Variants in KMO observed in about 807,000 individuals in gnomAD.
KMO encodes kynurenine 3-monooxygenase, also known as kynurenine 3-hydroxylase.
KMO carries 24 observed loss-of-function variants against 57.8 expected under a neutral mutation model. That is an observed-to-expected ratio of 0.42 (90% CI 0.30 to 0.58). KMO has a LOEUF of 0.58. KMO is among the 20% of genes least tolerant of loss of function. KMO has a pLI of 0.22. For missense variants in KMO, 483 were observed against 588.2 expected (o/e 0.82, Z 1.85); for synonymous variants, 210 against 193.6 (o/e 1.08, Z -0.70).
At chr1:241,551,498 G>A (rs971736137) in intron 4 of KMO, among the ~76,000 whole-genome samples, 21 of 152,288 alleles carry the variant, frequency 1.4e-4, no homozygotes, top group African/African-American at 4.8e-4. Flanking sequence ...AATGCTTTGA[G>A]TACTACATGA....
Position 241,566,602 on chromosome 1 carries a change from C to T in KMO, c.799C>T (p.Leu267=). ...GAAATACTTTCCGGATGCCATCCCT[C>T]TAATTGGAGAGTAAGTTGCAAGATG... ...FQKYFPDAIP[L]IGEKLLVQDF... The change falls in exon 9 of 15, where the codon CTA becomes TTA. Residue 267 remains leucine (L), a synonymous_variant. Coordinates refer to ENST00000366559, the MANE Select transcript of KMO (RefSeq NM_003679.5). 1 of 1,613,788 alleles carries T rather than the reference C, an allele frequency of 6.2e-7. No individual in the cohort carries two copies. The highest frequency in any genetic ancestry group is 8.5e-7 in the Non-Finnish European group (1 of 1,179,794).
chr1:241,562,285 A>G lies in KMO; in HGVS notation c.568A>G (p.Ile190Val), dbSNP rs760592864. 11 of 1,614,022 alleles carry G rather than the reference A, an allele frequency of 6.8e-6. No homozygotes were observed. In the East Asian group the frequency reaches 1.6e-4, roughly 23 times the overall value. Residue 190 changes from isoleucine (I) to valine (V), a missense_variant, in exon 7 of 15, where the codon ATT (isoleucine) becomes GTT (valine). By Grantham distance (29) the Ile-to-Val change is conservative. This residue lies in a region of KMO where 410 missense variants were observed against 492.3 expected (regional missense o/e 0.83). Coordinates refer to ENST00000366559, the MANE Select transcript of KMO (RefSeq NM_003679.5). ...TCGCTTTGATTACAGTCAGCAGTAC[A>G]TTCCTCATGGGTACATGGAGTTGAC... is the stretch of plus-strand genomic sequence containing the variant. Reference protein sequence around the residue: ...KPRFDYSQQYIPHGYMELTIP... With the variant: ...KPRFDYSQQYVPHGYMELTIP...
intron 1 of KMO, among the ~76,000 whole-genome samples, chr1:241,543,479 A>C (rs1661027380): frequency 6.6e-6 from 1 of 152,120 alleles, no homozygotes; most frequent in Admixed American, 6.6e-5. Flanking sequence ...CACTGTGTGA[A>C]TATGCCATAA....
chr1:241,537,803 C>T (rs143984906), intron 1 of KMO, among the ~76,000 whole-genome samples: 8 of 152,086 alleles, frequency 5.3e-5, no homozygotes, highest in Non-Finnish European at 1.2e-4. Flanking sequence ...TTCACTATCA[C>T]GAGAACAGCA....
At chr1:241,565,107 T>C (rs921362833) in intron 8 of KMO, 49 bp downstream of exon 8, 2 of 1,054,142 alleles carry the variant, frequency 1.9e-6, no homozygotes, top group Non-Finnish European at 3.0e-6. Flanking sequence ...GTAATTAATG[T>C]TGTTTATTAC....
chr1:241,533,534 G>A (rs940706465), intron 1 of KMO, among the ~76,000 whole-genome samples: 1 of 152,164 alleles, frequency 6.6e-6, no homozygotes, highest in Non-Finnish European at 1.5e-5. Flanking sequence ...CACATGATGT[G>A]TTGGTCACTG....
At chr1:241,572,026 C>G (rs967049466) in intron 10 of KMO, among the ~76,000 whole-genome samples, 2 of 151,828 alleles carry the variant, frequency 1.3e-5, no homozygotes, top group Non-Finnish European at 2.9e-5. Flanking sequence ...GCCACTATGC[C>G]CAGCTTATTT....
Position 241,549,832 on chromosome 1 carries a change from G to A in KMO, c.222+58G>A. On this transcript the variant is annotated intron_variant, in intron 3 of 14. Transcript: ENST00000366559. The stretch of plus-strand genomic sequence containing the variant: ...ACCTGGTATTTTTCAACAATTGCAT[G>A]GTTTGATTTCATCCTGGCTTAAAAA... 5 of 1,022,294 alleles carry A rather than the reference G, an allele frequency of 4.9e-6. No homozygotes were observed. The Admixed American group carries it at 5.6e-5, about 11-fold the overall frequency. 63.3% of individuals were successfully genotyped at this position (1,022,294 alleles called of 1,614,324 possible). A position where few individuals can be genotyped will look rare whatever the true frequency, so the allele number is the denominator to read the frequency against.
chr1:241,548,965 AG>A, intron 2 of KMO, 67 bp downstream of exon 2: 1 of 1,012,940 alleles, frequency 9.9e-7, no homozygotes, highest in Non-Finnish European at 1.6e-6. Context: ...TTGGGAGGCC[AG>A]GGCACATGGA....
intron 10 of KMO, among the ~76,000 whole-genome samples, chr1:241,575,823 TAGACAGATCATTG>T (rs1448268335): frequency 1.3e-5 from 2 of 152,000 alleles, no homozygotes; most frequent in Non-Finnish European, 2.9e-5. Context: ...TTGACAGCAC[TAGACAGATCATTG>T]AGACTTCTGT....
chr1:241,542,065 T>C (rs1660978161), intron 1 of KMO, among the ~76,000 whole-genome samples: 1 of 152,210 alleles, frequency 6.6e-6, no homozygotes, highest in Non-Finnish European at 1.5e-5. Flanking sequence ...TCCTGTTTCC[T>C]CTTCCTAATA....
intron 1 of KMO, among the ~76,000 whole-genome samples, chr1:241,545,227 TTGATAGCTTAGAAGGACAGACAGA>T (rs1266168250): frequency 6.6e-6 from 1 of 152,220 alleles, no homozygotes; most frequent in South Asian, 2.1e-4. Flanking sequence ...GCAAAACCTG[TTGATAGCTTAGAAGGACAGACAGA>T]TATTGATTAT....
At position 241,571,899 on chromosome 1, in the gene KMO, G is replaced by A. The variant is rs188926700; in HGVS notation, c.957+3252G>A. 7.7e-3 allele frequency among the ~76,000 whole-genome samples: 898 copies of A among 116,592 alleles called. 10 individuals carry two copies. Among genetic ancestry groups the A allele is most frequent in the African/African-American group, 0.027 (848 of 31,376 alleles). 76.5% of individuals were successfully genotyped at this position (116,592 alleles called of 152,430 possible). On this transcript the variant is annotated intron_variant, in intron 10 of 14. Coordinates refer to ENST00000366559, the MANE Select transcript of KMO (RefSeq NM_003679.5). ...TTTTTTTTTTTTGAGATGGAGTCTCGCTCTGTTGCCAGGCTGGAGTGCAGT... is the reference window on the plus strand; with the variant it reads ...TTTTTTTTTTTTGAGATGGAGTCTCACTCTGTTGCCAGGCTGGAGTGCAGT...
rs763024113 is a variant in KMO, at chr1:241,590,329, A to G, written c.1260+66A>G. On this transcript the variant is annotated intron_variant, in intron 14 of 14. Transcript: ENST00000366559. ...TTTGAAATGTCATAGTATTATGATT[A>G]TGTTTGTTTCCAACAAATACAGAAA... is the stretch of plus-strand genomic sequence containing the variant. The G allele has an allele frequency of 6.2e-6, 8 of 1,281,756 alleles. No homozygotes were observed. In the South Asian group the frequency reaches 8.6e-5, roughly 14 times the overall value. 79.4% of individuals were successfully genotyped at this position (1,281,756 alleles called of 1,614,324 possible). A position where few individuals can be genotyped will look rare whatever the true frequency, so the allele number is the denominator to read the frequency against.
At chr1:241,569,647 G>A (rs1662206058) in intron 10 of KMO, among the ~76,000 whole-genome samples, 1 of 152,020 alleles carries the variant, frequency 6.6e-6, no homozygotes, top group South Asian at 2.1e-4. Flanking sequence ...TCAATATACT[G>A]ATGTTCTTTC....
intron 1 of KMO, among the ~76,000 whole-genome samples, chr1:241,545,322 G>C (rs115949529): frequency 7.0e-4 from 107 of 152,210 alleles, no homozygotes; most frequent in African/African-American, 2.5e-3. Flanking sequence ...AGTTTGCTAG[G>C]CTTGCCAAAA....
chr1:241,592,776 A>G lies in KMO; in HGVS notation c.*623A>G, dbSNP rs1219686985. ...CTATCATCTATCTATCTATCTATCT[A>G]TCTATCTATCTATCTATCTATCTCT... On this transcript the variant is annotated 3_prime_UTR_variant, in exon 15 of 15. Transcript: ENST00000366559. The G allele has an allele frequency of 6.8e-6, 1 of 147,710 alleles. No homozygotes were observed. Among genetic ancestry groups the G allele is most frequent in the African/African-American group, 2.5e-5 (1 of 40,696 alleles). The allele number at this position is 147,710 out of a possible 1,614,324, so 9.1% of individuals were successfully genotyped here.
At chr1:241,590,756 T>C (rs1273246762) in intron 14 of KMO, among the ~76,000 whole-genome samples, 1 of 136,880 alleles carries the variant, frequency 7.3e-6, no homozygotes, top group Non-Finnish European at 1.6e-5. Flanking sequence ...CAGTTTTATT[T>C]GGTACATAGA....
At position 241,588,970 on chromosome 1, in the gene KMO, A is replaced by G; in HGVS notation, c.1098+140A>G. 3 of 619,576 alleles carry G rather than the reference A, an allele frequency of 4.8e-6. No individual in the cohort carries two copies. The South Asian group carries it at 5.9e-5, about 12-fold the overall frequency. The allele number at this position is 619,576 out of a possible 1,614,324, so 38.4% of individuals were successfully genotyped here. A position where few individuals can be genotyped will look rare whatever the true frequency, so the allele number is the denominator to read the frequency against. On this transcript the variant is annotated intron_variant, in intron 12 of 14. Coordinates refer to ENST00000366559, the MANE Select transcript of KMO (RefSeq NM_003679.5). ...TACAGATAAGAAAACACACACACAC[A>G]TAGCATTCCTTAGACTTGGGTGGAT...
Sources: gnomAD v4.1 joint callset for allele counts (sites outside exome capture counted in the v4.1 genomes callset) on GRCh38, gnomAD v4.1.1 for gene constraint, gnomAD v4.1.1 regional missense constraint, MANE v1.5 for transcripts, NCBI Gene and HGNC (gene_info 2026-07-23, HGNC 2026-07-21) for gene names.